Variants in NEMP2 observed in about 807,000 individuals in gnomAD.
NEMP2 encodes nuclear envelope integral membrane protein 2.
In NEMP2, 53 loss-of-function variants were observed where a neutral mutation model predicts 54.2. The ratio of observed to expected loss-of-function variants is 0.98; its 90% CI spans 0.78 to 1.23. The LOEUF (loss-of-function observed/expected upper bound fraction) is 1.23. NEMP2 is among the 50% of genes most tolerant of loss of function. NEMP2 has a pLI of 0.00. For synonymous variants in NEMP2, 197 were observed against 190.3 expected, an observed-to-expected ratio of 1.04 and a Z score of -0.29; for missense variants, 455 against 511.3, an observed-to-expected ratio of 0.89 and a Z score of 1.06.
chr2:190,445,906 A>AT, the NEMP2 span, among the ~76,000 whole-genome samples: 1 of 152,278 alleles, frequency 6.6e-6, no homozygotes, highest in East Asian at 1.9e-4. Context: ...CAGAGCTGAG[A>AT]TTTAAAAACA....
chr2:190,546,324 A>G, the NEMP2 span, among the ~76,000 whole-genome samples: 1 of 152,040 alleles, frequency 6.6e-6, no homozygotes, highest in African/African-American at 2.4e-5. This position sits in a 1 kb window ranked among gnomAD's most constrained non-coding sequence, Gnocchi z 5.1. Flanking sequence ...TTTGCTTGGG[A>G]TTTACATTGT....
the NEMP2 span, among the ~76,000 whole-genome samples, chr2:190,432,697 G>T: frequency 6.6e-6 from 1 of 152,074 alleles, no homozygotes; most frequent in Admixed American, 6.5e-5. Context: ...AATTACAGGC[G>T]TGAGCCACCG....
Position 190,509,951 on chromosome 2 carries a change from G to A in NEMP2, c.1130+410C>T, listed in dbSNP as rs1339153978. 6.6e-6 allele frequency among the ~76,000 whole-genome samples: 1 copy of A among 152,250 alleles called. No homozygotes were observed. Among genetic ancestry groups the A allele is most frequent in the East Asian group, 1.9e-4 (1 of 5,196 alleles). ...AGCTACTCAAGTGGCTGAGGCAGGA[G>A]AATTGCTTGAACCTGGCAGGCGGAG... On this transcript the variant is annotated intron_variant, in intron 8 of 8. Transcript: ENST00000409150. The surrounding 1 kb of genome is among the most constrained non-coding windows in gnomAD (Gnocchi z 6.1).
At position 190,513,284 on chromosome 2, in the gene NEMP2, T is replaced by G. The variant is rs1308941219; in HGVS notation, c.953+1169A>C. On this transcript the variant is annotated intron_variant, in intron 7 of 8. Coordinates refer to ENST00000409150, the MANE Select transcript of NEMP2 (RefSeq NM_001142645.2). This position sits in a 1 kb window ranked among gnomAD's most constrained non-coding sequence, Gnocchi z 5.3. ...TTCACATTCTAATCGTAATTCCCATTTCCAATTTTTCTAGAAAACCAGCAG... is the reference window on the plus strand; with the variant it reads ...TTCACATTCTAATCGTAATTCCCATGTCCAATTTTTCTAGAAAACCAGCAG... Among the ~76,000 whole-genome samples, 1 of 152,194 alleles carries G rather than the reference T, an allele frequency of 6.6e-6. No homozygotes were observed. The highest frequency in any genetic ancestry group is 2.4e-5 in the African/African-American group (1 of 41,442).
chr2:190,605,378 TTTA>T, the NEMP2 span, among the ~76,000 whole-genome samples: 4 of 151,822 alleles, frequency 2.6e-5, no homozygotes, highest in East Asian at 7.7e-4. Flanking sequence ...TATTTATTTA[TTTA>T]TTTTTTTGAG....
chr2:190,553,753 AC>A, the NEMP2 span, among the ~76,000 whole-genome samples: 35,736 of 152,112 alleles, frequency 0.23, 5,048 homozygotes, highest in South Asian at 0.33. Context: ...CATTTCTCAA[AC>A]ATTTACTCCT....
chr2:190,552,232 A>T, the NEMP2 span, among the ~76,000 whole-genome samples: 3 of 152,156 alleles, frequency 2.0e-5, no homozygotes, highest in Non-Finnish European at 4.4e-5. Flanking sequence ...CCTCCTGCTC[A>T]GATGCTGATA....
chr2:190,475,761 C>A, the NEMP2 span, among the ~76,000 whole-genome samples: 2 of 152,152 alleles, frequency 1.3e-5, no homozygotes, highest in Admixed American at 6.5e-5. Context: ...CAAGTGAATC[C>A]TAAGCCAAAA....
chr2:190,560,296 C>T, the NEMP2 span, among the ~76,000 whole-genome samples: 102 of 152,276 alleles, frequency 6.7e-4, no homozygotes, highest in Admixed American at 3.7e-3. This position sits in a 1 kb window ranked among gnomAD's most constrained non-coding sequence, Gnocchi z 5.4. Flanking sequence ...ATGCAGTGGT[C>T]TCCAGGCTGG....
Position 190,514,579 on chromosome 2 carries a change from C to T in NEMP2, c.827G>A (p.Arg276Gln), listed in dbSNP as rs1167225677. The T allele has an allele frequency of 4.5e-6, 7 of 1,551,544 alleles. No individual in the cohort carries two copies. Among genetic ancestry groups the T allele is most frequent in the African/African-American group, 1.4e-5 (1 of 73,018 alleles). ...RSRSLLMWMLRLLSLVLVYAG... is the reference protein window; with the variant it reads ...RSRSLLMWMLQLLSLVLVYAG... The stretch of plus-strand genomic sequence containing the variant: ...ATAGACCAGAACCAGGGAGAGGAGT[C>T]GCAGCATCCACATCAGAAGACTTCT... The change falls in exon 7 of 9, where the codon CGA (arginine) becomes CAA (glutamine). Residue 276 changes from arginine (R) to glutamine (Q), a missense_variant. Transcript: ENST00000409150. The surrounding 1 kb of genome is among the most constrained non-coding windows in gnomAD (Gnocchi z 5.7).
the NEMP2 span, among the ~76,000 whole-genome samples, chr2:190,483,174 G>A: frequency 1.3e-5 from 2 of 150,510 alleles, no homozygotes; most frequent in African/African-American, 4.9e-5. Context: ...TTACAGGCGT[G>A]AGCCACCGCG....
the NEMP2 span, among the ~76,000 whole-genome samples, chr2:190,638,673 A>G: frequency 1.3e-5 from 2 of 152,226 alleles, no homozygotes; most frequent in African/African-American, 2.4e-5. This position sits in a 1 kb window ranked among gnomAD's most constrained non-coding sequence, Gnocchi z 5.7. Context: ...AAAGACAGCC[A>G]TCACTGGTGG....
the NEMP2 span, among the ~76,000 whole-genome samples, chr2:190,475,543 T>A: frequency 2.0e-5 from 3 of 152,152 alleles, no homozygotes; most frequent in African/African-American, 7.2e-5. Context: ...TACAAACCAC[T>A]GCTCAATGAA....
chr2:190,472,874 T>G, the NEMP2 span, among the ~76,000 whole-genome samples: 7 of 152,250 alleles, frequency 4.6e-5, no homozygotes, highest in African/African-American at 1.7e-4. Flanking sequence ...CCCATCAGAT[T>G]AACAGGTGAT....
In NEMP2 at chr2:190,528,229, G is replaced by T. The variant is rs375506928; in HGVS notation, c.98-2851C>A. On this transcript the variant is annotated intron_variant, in intron 1 of 8. Transcript: ENST00000409150. This position sits in a 1 kb window ranked among gnomAD's most constrained non-coding sequence, Gnocchi z 4.3. The stretch of plus-strand genomic sequence containing the variant: ...AGGGCTGGCAGCTACCTATAGAAAA[G>T]AAGAATGTCAAGGAATGTAGTATAT... 6.6e-6 allele frequency among the ~76,000 whole-genome samples: 1 copy of T among 152,176 alleles called. No individual in the cohort carries two copies. The highest frequency in any genetic ancestry group is 1.9e-4 in the East Asian group (1 of 5,194).
upstream of NEMP2, among the ~76,000 whole-genome samples, chr2:190,536,592 C>G (rs1691384710): frequency 6.6e-6 from 1 of 152,118 alleles, no homozygotes; most frequent in Non-Finnish European, 1.5e-5. Flanking sequence ...TGTGAAAAAC[C>G]CCTTTTCCCC....
chr2:190,526,316 A>C (rs2125338371), intron 1 of NEMP2, among the ~76,000 whole-genome samples: 1 of 152,308 alleles, frequency 6.6e-6, no homozygotes, highest in East Asian at 1.9e-4. Context: ...AGGAAGACAG[A>C]GGGCAATGAA....
the NEMP2 span, among the ~76,000 whole-genome samples, chr2:190,578,628 G>A: frequency 1.3e-5 from 2 of 152,052 alleles, no homozygotes; most frequent in African/African-American, 4.8e-5. This position sits in a 1 kb window ranked among gnomAD's most constrained non-coding sequence, Gnocchi z 4.4. Flanking sequence ...GCCCTGTACT[G>A]CCTGGGCGTG....
chr2:190,497,372 A>AT, the NEMP2 span: 1 of 1,537,846 alleles, frequency 6.5e-7, no homozygotes, highest in Non-Finnish European at 8.8e-7. The surrounding 1 kb of genome is among the most constrained non-coding windows in gnomAD (Gnocchi z 5.2). Context: ...TTATTTATTT[A>AT]TTTTTACCTT....
Sources: gnomAD v4.1 joint callset for allele counts (sites outside exome capture counted in the v4.1 genomes callset) on GRCh38, gnomAD v4.1.1 for gene constraint, Gnocchi (gnomAD v3.1) non-coding constraint, MANE v1.5 for transcripts, NCBI Gene and HGNC (gene_info 2026-07-23, HGNC 2026-07-21) for gene names.